Variants in OR9K2 observed in about 807,000 individuals in gnomAD.
OR9K2 encodes the protein olfactory receptor 9K2.
OR9K2 carries 16 observed loss-of-function variants against 12.4 expected under a neutral mutation model. That is an observed-to-expected ratio of 1.29 (90% CI 0.87 to 1.95). OR9K2 has a LOEUF of 1.95. OR9K2 is among the 30% of genes most tolerant of loss of function. OR9K2 has a pLI of 0.00. For synonymous variants in OR9K2, 133 were observed against 133.2 expected (o/e 1.00, Z 0.01); for missense variants, 434 against 376.5 (o/e 1.15, Z -1.26).
At position 55,130,349 on chromosome 12, in the gene OR9K2, G is replaced by C. The variant is rs763985412; in HGVS notation, c.515G>C (p.Cys172Ser). Residue 172 changes from cysteine to serine, a missense_variant, in exon 3 of 3, where the codon TGC (cysteine) becomes TCC (serine). Coordinates refer to ENST00000641329, the MANE Select transcript of OR9K2 (RefSeq NM_001005243.2). Reference sequence around the variant, plus strand: ...AGCATGACATTTACTTTATCTTTTTGCGCTTCTCGGGCTGTTGACCACTTT... The same window carrying C: ...AGCATGACATTTACTTTATCTTTTTCCGCTTCTCGGGCTGTTGACCACTTT... The part of the protein sequence containing the change: ...QTSMTFTLSF[C>S]ASRAVDHFYC... 4 of 1,613,816 alleles carry C rather than the reference G, an allele frequency of 2.5e-6. No individual in the cohort carries two copies.
In OR9K2 at chr12:55,129,409, C is replaced by A. The variant is rs545688637; in HGVS notation, c.-9-417C>A. Among the ~76,000 whole-genome samples the A allele has an allele frequency of 2.6e-5, 4 of 152,086 alleles. No individual in the cohort carries two copies. The East Asian group carries it at 5.8e-4, about 22-fold the overall frequency. On this transcript the variant is annotated intron_variant, in intron 2 of 2. Coordinates refer to ENST00000641329, the MANE Select transcript of OR9K2 (RefSeq NM_001005243.2). ...TTCCTAAACTTGGCTACTAAAACCC[C>A]AAATATCTCCCAACCCAAACTAACT...
chr12:55,126,944 AAAAT>A (rs1953433004), intron 2 of OR9K2, 33 bp downstream of exon 2: 2 of 152,106 alleles, frequency 1.3e-5, no homozygotes, highest in Non-Finnish European at 1.5e-5. Context: ...AAGTTTTTGA[AAAAT>A]AAGTCACAAA....
At position 55,130,566 on chromosome 12, in the gene OR9K2, C is replaced by A. The variant is rs1395417661; in HGVS notation, c.732C>A (p.Cys244Ter). Reference sequence around the variant, plus strand: ...GACATAAGAAGGCCTTCTCCACCTGCAGCTCTCACCTGGGAGTTGTGAGTG... The same window carrying A: ...GACATAAGAAGGCCTTCTCCACCTGAAGCTCTCACCTGGGAGTTGTGAGTG... ...TEGHKKAFST[C>*]SSHLGVVSVL... Residue 244 changes from cysteine (C) to a stop codon, truncating the protein, a stop_gained, in exon 3 of 3, where the codon TGC becomes TGA. Coordinates refer to ENST00000641329, the MANE Select transcript of OR9K2 (RefSeq NM_001005243.2). LOFTEE classifies it high-confidence loss of function. 6.2e-7 allele frequency: 1 copy of A among 1,613,572 alleles called. No individual in the cohort carries two copies. The highest frequency in any genetic ancestry group is 8.5e-7 in the Non-Finnish European group (1 of 1,179,636).
rs1287265006 is a variant in OR9K2, at chr12:55,130,705, T to C, written c.871T>C (p.Tyr291His). ...LVTPMLNPLIYSLRNKDVQEA... is the reference protein window; with the variant it reads ...LVTPMLNPLIHSLRNKDVQEA... ...CACTCCCATGTTGAATCCTTTGATTTACTCTCTGAGGAACAAAGATGTCCA... is the reference window on the plus strand; with the variant it reads ...CACTCCCATGTTGAATCCTTTGATTCACTCTCTGAGGAACAAAGATGTCCA... The change falls in exon 3 of 3, where the codon TAC becomes CAC. Residue 291 changes from tyrosine (Y) to histidine (H), a missense_variant. Coordinates refer to ENST00000641329, the MANE Select transcript of OR9K2 (RefSeq NM_001005243.2). The C allele has an allele frequency of 6.2e-7, 1 of 1,610,474 alleles. No homozygotes were observed. Among genetic ancestry groups the C allele is most frequent in the Non-Finnish European group, 8.5e-7 (1 of 1,176,878 alleles).
At position 55,129,878 on chromosome 12, in the gene OR9K2, T is replaced by G; in HGVS notation, c.44T>G (p.Phe15Cys). Residue 15 changes from phenylalanine (F) to cysteine (C), a missense_variant, in exon 3 of 3, where the codon TTC (phenylalanine) becomes TGC (cysteine). Physicochemically the swap from Phe to Cys is radical, Grantham distance 205. Coordinates refer to ENST00000641329, the MANE Select transcript of OR9K2 (RefSeq NM_001005243.2). ...GTSNHSEMTD[F>C]ILAGFRVRPE... is the part of the protein sequence containing the mutation. ...AGCAATCACTCAGAAATGACTGACTTCATTCTTGCAGGCTTCAGGGTACGC... is the reference window on the plus strand; with the variant it reads ...AGCAATCACTCAGAAATGACTGACTGCATTCTTGCAGGCTTCAGGGTACGC... 1.9e-6 allele frequency: 3 copies of G among 1,614,014 alleles called. No individual in the cohort carries two copies. The highest frequency in any genetic ancestry group is 2.5e-6 in the Non-Finnish European group (3 of 1,179,934).
chr12:55,128,061 T>G (rs749408105), intron 2 of OR9K2, among the ~76,000 whole-genome samples: 2 of 151,950 alleles, frequency 1.3e-5, no homozygotes, highest in Non-Finnish European at 2.9e-5. Flanking sequence ...AGTTTTTATA[T>G]TTTTCTCTGT....
chr12:55,132,587 A>G lies in OR9K2; in HGVS notation c.*1811A>G, dbSNP rs1226981686. ...CCTTGATCTTGGGCTTCCAGCCTCT[A>G]TCACTAAGAAAATTAATTTCTGTTG... is the stretch of plus-strand genomic sequence containing the variant. On this transcript the variant is annotated 3_prime_UTR_variant, in exon 3 of 3. Transcript: ENST00000641329. 2 of 152,260 alleles carry G rather than the reference A, an allele frequency of 1.3e-5. No individual in the cohort carries two copies. Among genetic ancestry groups the G allele is most frequent in the East Asian group, 1.9e-4 (1 of 5,204 alleles). 9.4% of individuals were successfully genotyped at this position (152,260 alleles called of 1,614,324 possible). A position where few individuals can be genotyped will look rare whatever the true frequency, so the allele number is the denominator to read the frequency against.
Position 55,126,514 on chromosome 12 carries a change from C to G in OR9K2, c.-96C>G, listed in dbSNP as rs1366390805. On this transcript the variant is annotated splice_region_variant and 5_prime_UTR_variant, in exon 1 of 3. Transcript: ENST00000641329. ...GATAATATCTTGTGGATTGATTCCTCAGGTTCACTTTGCTTATCTATAGAT... is the reference window on the plus strand; with the variant it reads ...GATAATATCTTGTGGATTGATTCCTGAGGTTCACTTTGCTTATCTATAGAT... 6.6e-6 allele frequency: 1 copy of G among 152,122 alleles called. No individual in the cohort carries two copies. Among genetic ancestry groups the G allele is most frequent in the East Asian group, 1.9e-4 (1 of 5,192 alleles). The allele number at this position is 152,122 out of a possible 1,614,324, so 9.4% of individuals were successfully genotyped here.
In OR9K2 at chr12:55,132,487, T is replaced by C. The variant is rs1288124694; in HGVS notation, c.*1711T>C. 1 of 152,190 alleles carries C rather than the reference T, an allele frequency of 6.6e-6. No individual in the cohort carries two copies. The highest frequency in any genetic ancestry group is 2.4e-5 in the African/African-American group (1 of 41,454). The allele number at this position is 152,190 out of a possible 1,614,324, so 9.4% of individuals were successfully genotyped here. A position where few individuals can be genotyped will look rare whatever the true frequency, so the allele number is the denominator to read the frequency against. ...GTGCATGTGCACAGAACATCAGTCA[T>C]GTGAAGAATCAACAAGAGGGCAGCC... On this transcript the variant is annotated 3_prime_UTR_variant, in exon 3 of 3. Transcript: ENST00000641329.
At chr12:55,128,059 T>C (rs972150628) in intron 2 of OR9K2, among the ~76,000 whole-genome samples, 2 of 152,022 alleles carry the variant, frequency 1.3e-5, no homozygotes, top group Non-Finnish European at 2.9e-5. Context: ...ATAGTTTTTA[T>C]ATTTTTCTCT....
chr12:55,130,718 A>T lies in OR9K2; in HGVS notation c.884A>T (p.Asn295Ile). ...MLNPLIYSLR[N>I]KDVQEALKKF... is the part of the protein sequence containing the mutation. ...AATCCTTTGATTTACTCTCTGAGGA[A>T]CAAAGATGTCCAAGAGGCTCTAAAA... Residue 295 changes from asparagine (N) to isoleucine (I), a missense_variant, in exon 3 of 3, where the codon AAC (asparagine) becomes ATC (isoleucine). Asn to Ile is a moderately radical substitution (Grantham distance 149). Transcript: ENST00000641329. The T allele has an allele frequency of 6.2e-7, 1 of 1,608,698 alleles. No homozygotes were observed. Among genetic ancestry groups the T allele is most frequent in the Non-Finnish European group, 8.5e-7 (1 of 1,175,362 alleles).
chr12:55,129,238 C>T lies in OR9K2; in HGVS notation c.-9-588C>T, dbSNP rs985724342. Among the ~76,000 whole-genome samples, 11 of 152,072 alleles carry T rather than the reference C, an allele frequency of 7.2e-5. No homozygotes were observed. In the South Asian group the frequency reaches 8.3e-4, roughly 11 times the overall value. On this transcript the variant is annotated intron_variant, in intron 2 of 2. Coordinates refer to ENST00000641329, the MANE Select transcript of OR9K2 (RefSeq NM_001005243.2). Reference sequence around the variant, plus strand: ...TAATAATTTTGTGCTTGGTTGCACACACCTTTTATCTTAGTGGGTACATAA... The same window carrying T: ...TAATAATTTTGTGCTTGGTTGCACATACCTTTTATCTTAGTGGGTACATAA...
chr12:55,129,280 G>A (rs1338533336), intron 2 of OR9K2, among the ~76,000 whole-genome samples: 4 of 151,336 alleles, frequency 2.6e-5, no homozygotes, highest in Non-Finnish European at 1.5e-5. Flanking sequence ...TCAGAATCCA[G>A]TTTCCATGAC....
At chr12:55,127,150 T>C (rs879576315) in intron 2 of OR9K2, among the ~76,000 whole-genome samples, 42 of 152,074 alleles carry the variant, frequency 2.8e-4, no homozygotes, top group Non-Finnish European at 5.4e-4. Context: ...TTTTTCTACG[T>C]AATAATATGT....
Position 55,130,037 on chromosome 12 carries a change from A to G in OR9K2, c.203A>G (p.Asn68Ser), listed in dbSNP as rs771600693. The G allele has an allele frequency of 1.2e-6, 2 of 1,605,466 alleles. No individual in the cohort carries two copies. The highest frequency in any genetic ancestry group is 1.1e-5 in the South Asian group (1 of 90,856). ...ACACCAATGTATTTTTTCCTAGGCA[A>G]TCTCTCCTTCATTGATCTTTTCTAT... Reference protein sequence around the residue: ...LNTPMYFFLGNLSFIDLFYSS... With the variant: ...LNTPMYFFLGSLSFIDLFYSS... Residue 68 changes from asparagine (N) to serine (S), a missense_variant, in exon 3 of 3, where the codon AAT becomes AGT. Physicochemically the swap from Asn to Ser is conservative, Grantham distance 46. Transcript: ENST00000641329.
rs1953478948 is a variant in OR9K2 at position 55,132,132 on chromosome 12, A to G, written c.*1356A>G. On this transcript the variant is annotated 3_prime_UTR_variant, in exon 3 of 3. Coordinates refer to ENST00000641329, the MANE Select transcript of OR9K2 (RefSeq NM_001005243.2). ...TGAAAAACCTACAGTGAACATTTTAAATGACAAGAAACTAGAAGCTTTCCT... is the reference window on the plus strand; with the variant it reads ...TGAAAAACCTACAGTGAACATTTTAGATGACAAGAAACTAGAAGCTTTCCT... The G allele has an allele frequency of 6.6e-6, 1 of 152,198 alleles. No homozygotes were observed. The highest frequency in any genetic ancestry group is 1.5e-5 in the Non-Finnish European group (1 of 68,032). 9.4% of individuals were successfully genotyped at this position (152,198 alleles called of 1,614,324 possible). A position where few individuals can be genotyped will look rare whatever the true frequency, so the allele number is the denominator to read the frequency against.
chr12:55,129,774 A>G, intron 2 of OR9K2, 52 bp from the exon 3 acceptor site: 1 of 1,598,756 alleles, frequency 6.3e-7, no homozygotes. Context: ...TTGTAATGCT[A>G]GGATCCAAAC....
In OR9K2 at chr12:55,130,736, C is replaced by A; in HGVS notation, c.902C>A (p.Ala301Asp). The A allele has an allele frequency of 6.3e-7, 1 of 1,579,956 alleles. No individual in the cohort carries two copies. Among genetic ancestry groups the A allele is most frequent in the Non-Finnish European group, 8.6e-7 (1 of 1,164,244 alleles). ...CTGAGGAACAAAGATGTCCAAGAGGCTCTAAAAAAATTTCTAGAGAAGAAA... is the reference window on the plus strand; with the variant it reads ...CTGAGGAACAAAGATGTCCAAGAGGATCTAAAAAAATTTCTAGAGAAGAAA... The part of the protein sequence containing the change: ...YSLRNKDVQE[A>D]LKKFLEKKNI... Residue 301 changes from alanine to aspartate, a missense_variant, in exon 3 of 3, where the codon GCT (alanine) becomes GAT (aspartate). Coordinates refer to ENST00000641329, the MANE Select transcript of OR9K2 (RefSeq NM_001005243.2).
At position 55,128,507 on chromosome 12, in the gene OR9K2, T is replaced by C. The variant is rs201377049; in HGVS notation, c.-9-1319T>C. Among the ~76,000 whole-genome samples, 81 of 152,130 alleles carry C rather than the reference T, an allele frequency of 5.3e-4. 2 individuals carry two copies. In the East Asian group the frequency reaches 0.011, roughly 20 times the overall value. On this transcript the variant is annotated intron_variant, in intron 2 of 2. Coordinates refer to ENST00000641329, the MANE Select transcript of OR9K2 (RefSeq NM_001005243.2). ...TCAAGTAAGTGAATTTCAGCAGACTTCATTTCTCTGTACCTCAATTTACTC... is the reference window on the plus strand; with the variant it reads ...TCAAGTAAGTGAATTTCAGCAGACTCCATTTCTCTGTACCTCAATTTACTC...
Sources: gnomAD v4.1 joint callset for allele counts (sites outside exome capture counted in the v4.1 genomes callset) on GRCh38, gnomAD v4.1.1 for gene constraint, MANE v1.5 for transcripts, NCBI Gene and HGNC (gene_info 2026-07-23, HGNC 2026-07-21) for gene names.